Variants in RTCA observed in about 807,000 individuals in gnomAD.
RTCA encodes RNA terminal phosphate cyclase domain 1.
RTCA carries 37 observed loss-of-function variants against 46.1 expected under a neutral mutation model. That is an observed-to-expected ratio of 0.80 (90% CI 0.62 to 1.06). The LOEUF is 1.06. Among genes scored for constraint, RTCA ranks in the 50% least tolerant of loss-of-function variants. RTCA has a pLI of 0.00. For missense variants in RTCA, 435 were observed against 455.5 expected (o/e 0.95, Z 0.41); for synonymous variants, 164 against 158.3 (o/e 1.04, Z -0.27).
chr1:100,289,072 C>T (rs1039179293), intron 10 of RTCA, among the ~76,000 whole-genome samples: 2 of 152,054 alleles, frequency 1.3e-5, no homozygotes, highest in African/African-American at 2.4e-5. Flanking sequence ...GATCTGCCTG[C>T]CTTGGCCTCC....
chr1:100,277,864 C>G (rs1666486251), intron 8 of RTCA, among the ~76,000 whole-genome samples: 3 of 151,828 alleles, frequency 2.0e-5, no homozygotes, highest in African/African-American at 7.3e-5. Context: ...ATACACAATC[C>G]TCCCATTACC....
rs962651390 is a variant in RTCA, at chr1:100,285,169, T to C, written c.800-59T>C. 6.1e-5 allele frequency: 87 copies of C among 1,436,116 alleles called. No individual in the cohort carries two copies. The African/African-American group carries it at 1.1e-3, about 18-fold the overall frequency. The allele number at this position is 1,436,116 out of a possible 1,614,324, so 89.0% of individuals were successfully genotyped here. A position where few individuals can be genotyped will look rare whatever the true frequency, so the allele number is the denominator to read the frequency against. ...GGGATATACCAAACTTTTTGTCTCT[T>C]AGTAATTAGTTTTGTTTTGTTTTGT... On this transcript the variant is annotated intron_variant, in intron 8 of 10. Transcript: ENST00000370128.
chr1:100,270,603 G>A lies in RTCA; in HGVS notation c.337G>A (p.Ala113Thr). The part of the protein sequence containing the change: ...MQVSMPCVLF[A>T]ASPSELHLKG... ...GGTCTCAATGCCGTGTGTTCTCTTT[G>A]CTGCTTCTCCATCAGAACTTCATTT... Residue 113 changes from alanine (A) to threonine (T), a missense_variant, in exon 4 of 11, where the codon GCT (alanine) becomes ACT (threonine). Physicochemically the swap from Ala to Thr is moderately conservative, Grantham distance 58. Transcript: ENST00000370128. 3.1e-6 allele frequency: 5 copies of A among 1,614,122 alleles called. No individual in the cohort carries two copies. Among genetic ancestry groups the A allele is most frequent in the Non-Finnish European group, 4.2e-6 (5 of 1,180,006 alleles).
In RTCA at chr1:100,278,080, G is replaced by A. The variant is rs1420400690; in HGVS notation, c.799+764G>A. ...ACATGATGTTAGTTTCTCCTTTATT[G>A]GTGAGGTTGAGTGTGATCACTTGGT... On this transcript the variant is annotated intron_variant, in intron 8 of 10. Transcript: ENST00000370128. 2.0e-5 allele frequency among the ~76,000 whole-genome samples: 3 copies of A among 152,198 alleles called. No individual in the cohort carries two copies. The East Asian group carries it at 5.8e-4, about 29-fold the overall frequency.
chr1:100,276,046 A>G (rs1458043307), intron 7 of RTCA, among the ~76,000 whole-genome samples: 1 of 152,006 alleles, frequency 6.6e-6, no homozygotes, highest in Non-Finnish European at 1.5e-5. Flanking sequence ...CGTGTTAGCC[A>G]GGGTGGTCTT....
At chr1:100,290,180 G>A (rs528918523) in intron 10 of RTCA, among the ~76,000 whole-genome samples, 2 of 152,160 alleles carry the variant, frequency 1.3e-5, no homozygotes, top group South Asian at 4.2e-4. Flanking sequence ...CCAAGTGATG[G>A]TTTTCAAATT....
chr1:100,275,752 G>C (rs754937331), intron 7 of RTCA, 29 bp downstream of exon 7: 1 of 1,577,034 alleles, frequency 6.3e-7, no homozygotes, highest in South Asian at 1.2e-5. Context: ...CTACACATTA[G>C]TTGAGAACCC....
chr1:100,291,393 C>T lies in RTCA; in HGVS notation c.1000-10C>T. On this transcript the variant is annotated splice_polypyrimidine_tract_variant and intron_variant, in intron 10 of 10. Coordinates refer to ENST00000370128, the MANE Select transcript of RTCA (RefSeq NM_003729.4). ...TTCGTATTACTTATATACTCCTCTT[C>T]TGATTTCAGGCTAAATTTATTGTGA... 6.3e-7 allele frequency: 1 copy of T among 1,584,686 alleles called. No individual in the cohort carries two copies. Among genetic ancestry groups the T allele is most frequent in the Non-Finnish European group, 8.6e-7 (1 of 1,157,182 alleles).
chr1:100,276,178 T>A (rs1666365100), intron 7 of RTCA, among the ~76,000 whole-genome samples: 2 of 152,150 alleles, frequency 1.3e-5, no homozygotes, highest in South Asian at 4.1e-4. Context: ...AACACCAGTA[T>A]GATAAATTAA....
At chr1:100,289,483 A>G (rs1667236407) in intron 10 of RTCA, among the ~76,000 whole-genome samples, 1 of 152,170 alleles carries the variant, frequency 6.6e-6, no homozygotes, top group Admixed American at 6.6e-5. Context: ...ATTAAGAAAC[A>G]TAGATAAGTT....
At position 100,268,226 on chromosome 1, in the gene RTCA, C is replaced by A. The variant is rs1289008370; in HGVS notation, c.221C>A (p.Ser74Ter). ...CAACTGGAGGGGGCAGAAATTGGCT[C>A]AACAGAAATAACCTTTACACCAGAG... Reference protein sequence around the residue: ...DGQLEGAEIGSTEITFTPEKI... With the variant: ...DGQLEGAEIG The change falls in exon 3 of 11, where the codon TCA (serine) becomes TAA (stop). Residue 74 changes from serine to a stop codon, truncating the protein, a stop_gained. Coordinates refer to ENST00000370128, the MANE Select transcript of RTCA (RefSeq NM_003729.4). LOFTEE classifies it high-confidence loss of function. The A allele has an allele frequency of 1.2e-6, 2 of 1,613,952 alleles. No homozygotes were observed. The highest frequency in any genetic ancestry group is 1.3e-5 in the African/African-American group (1 of 74,856).
chr1:100,275,596 T>C lies in RTCA; in HGVS notation c.616-3T>C, dbSNP rs1160547623. ...ATTCTATTTTTCTGTCTTGCTAAAA[T>C]AGGTAGCAAAAGATATGGCAGCGGC... On this transcript the variant is annotated splice_polypyrimidine_tract_variant and splice_region_variant and intron_variant, in intron 6 of 10. Coordinates refer to ENST00000370128, the MANE Select transcript of RTCA (RefSeq NM_003729.4). 1.8e-5 allele frequency: 28 copies of C among 1,594,726 alleles called. No individual in the cohort carries two copies. Among genetic ancestry groups the C allele is most frequent in the Non-Finnish European group, 2.4e-5 (28 of 1,172,256 alleles).
Position 100,270,630 on chromosome 1 carries a change from A to C in RTCA, c.364A>C (p.Lys122Gln). The C allele has an allele frequency of 1.9e-6, 3 of 1,614,128 alleles. No homozygotes were observed. Among genetic ancestry groups the C allele is most frequent in the Non-Finnish European group, 2.5e-6 (3 of 1,179,982 alleles). Residue 122 changes from lysine (K) to glutamine (Q), a missense_variant, in exon 4 of 11, where the codon AAA becomes CAA. Lys to Gln is a moderately conservative substitution (Grantham distance 53, BLOSUM62 1). Transcript: ENST00000370128. ...TGCTTCTCCATCAGAACTTCATTTGAAAGGTGGAACTAATGCTGAAATGGC... is the reference window on the plus strand; with the variant it reads ...TGCTTCTCCATCAGAACTTCATTTGCAAGGTGGAACTAATGCTGAAATGGC... ...FAASPSELHL[K>Q]GGTNAEMAPQ...
At chr1:100,277,348 A>G in intron 8 of RTCA, 32 bp downstream of exon 8, 1 of 1,561,780 alleles carries the variant, frequency 6.4e-7, no homozygotes, top group Non-Finnish European at 8.7e-7. Context: ...CATAGTTCCC[A>G]ATGCTACTGC....
intron 2 of RTCA, 170 bp from the exon 3 acceptor site, chr1:100,267,982 G>A (rs745429973): frequency 4.0e-6 from 3 of 751,446 alleles, no homozygotes; most frequent in African/African-American, 3.5e-5. Context: ...ATACTAGCAG[G>A]TAGTCTAGGT....
chr1:100,269,095 T>C (rs1445463810), intron 3 of RTCA, among the ~76,000 whole-genome samples: 1 of 151,382 alleles, frequency 6.6e-6, no homozygotes, highest in Non-Finnish European at 1.5e-5. Context: ...GGTAGTCCCA[T>C]CTACTTGAGA....
rs1388082820 is a variant in RTCA, at chr1:100,266,233, C to T, written c.-143C>T. ...CTGACTCCAGTGTCCCGAGAGGCGC[C>T]GCTTCTTCCGCTTTCTCGTCAGGCT... On this transcript the variant is annotated 5_prime_UTR_variant, in exon 1 of 11. Transcript: ENST00000370128. 1.2e-5 allele frequency: 12 copies of T among 982,110 alleles called. No homozygotes were observed. The Admixed American group carries it at 2.5e-4, about 20-fold the overall frequency. The allele number at this position is 982,110 out of a possible 1,614,324, so 60.8% of individuals were successfully genotyped here.
At chr1:100,277,430 T>C in intron 8 of RTCA, 114 bp downstream of exon 8, 1 of 955,056 alleles carries the variant, frequency 1.0e-6, no homozygotes, top group East Asian at 2.6e-5. Flanking sequence ...TGTAGTTAAT[T>C]GATTCTCTTT....
rs755530680 is a variant in RTCA at position 100,266,355 on chromosome 1, C to T, written c.-21C>T. On this transcript the variant is annotated 5_prime_UTR_variant, in exon 1 of 11. Coordinates refer to ENST00000370128, the MANE Select transcript of RTCA (RefSeq NM_003729.4). Reference sequence around the variant, plus strand: ...CTGGCGGAGGCTTTGTCGCTGCGGGCTGGGCCCCAGGGTGTCCCCCATGGC... The same window carrying T: ...CTGGCGGAGGCTTTGTCGCTGCGGGTTGGGCCCCAGGGTGTCCCCCATGGC... The T allele has an allele frequency of 1.9e-6, 3 of 1,607,136 alleles. No individual in the cohort carries two copies. Among genetic ancestry groups the T allele is most frequent in the Non-Finnish European group, 2.5e-6 (3 of 1,178,204 alleles).
Sources: gnomAD v4.1 joint callset for allele counts (sites outside exome capture counted in the v4.1 genomes callset) on GRCh38, gnomAD v4.1.1 for gene constraint, MANE v1.5 for transcripts, NCBI Gene and HGNC (gene_info 2026-07-23, HGNC 2026-07-21) for gene names.